Variants in PRKCB observed in about 807,000 individuals in gnomAD.
The protein encoded by PRKCB is protein kinase C beta type.
In PRKCB, 13 loss-of-function variants were observed where a neutral mutation model predicts 81.5. The observed-to-expected ratio is 0.16, with a 90% confidence interval of 0.10 to 0.25. The LOEUF (loss-of-function observed/expected upper bound fraction) is 0.25, where lower values mean the gene tolerates loss of function less well. Ranked by LOEUF, PRKCB falls within the 10% of genes least tolerant of loss-of-function variation. The pLI, the probability that PRKCB is intolerant of heterozygous loss-of-function variation, is 1.00. For synonymous variants in PRKCB, 335 were observed against 321.4 expected, an observed-to-expected ratio of 1.04 and a Z score of -0.45; for missense variants, 509 against 875.7, an observed-to-expected ratio of 0.58 and a Z score of 5.29.
chr16:23,969,126 C>T (rs999280255), intron 2 of PRKCB, among the ~76,000 whole-genome samples: 10 of 152,038 alleles, frequency 6.6e-5, no homozygotes, highest in African/African-American at 1.4e-4. Flanking sequence ...GCTGAGATCG[C>T]GCCACTGCAC....
chr16:24,020,188 A>G (rs963680141), intron 3 of PRKCB, among the ~76,000 whole-genome samples: 2 of 152,220 alleles, frequency 1.3e-5, no homozygotes, highest in Non-Finnish European at 2.9e-5. Flanking sequence ...TCATTTTAAA[A>G]TTTTAAATTG....
At chr16:24,121,688 TTGAA>T (rs1482444687) in intron 8 of PRKCB, among the ~76,000 whole-genome samples, 1 of 152,258 alleles carries the variant, frequency 6.6e-6, no homozygotes, top group Non-Finnish European at 1.5e-5. Context: ...TAAATGTTTT[TTGAA>T]TGAATGAATG....
At chr16:24,197,679 A>G (rs887474494) in intron 16 of PRKCB, among the ~76,000 whole-genome samples, 3 of 152,154 alleles carry the variant, frequency 2.0e-5, no homozygotes, top group Admixed American at 6.5e-5. Flanking sequence ...GACTCTTGCC[A>G]TAATCCAGGC....
intron 10 of PRKCB, among the ~76,000 whole-genome samples, chr16:24,156,519 C>A (rs1186682960): frequency 6.6e-6 from 1 of 152,170 alleles, no homozygotes; most frequent in African/African-American, 2.4e-5. Flanking sequence ...AAGTGATTCA[C>A]CTGCTTCGGC....
intron 8 of PRKCB, among the ~76,000 whole-genome samples, chr16:24,118,415 G>A (rs1260894313): frequency 6.6e-6 from 1 of 152,230 alleles, no homozygotes; most frequent in Non-Finnish European, 1.5e-5. Context: ...CTCTTTCTGG[G>A]CTTTGGAAGG....
chr16:24,021,849 G>A (rs974690198), intron 3 of PRKCB, among the ~76,000 whole-genome samples: 1 of 152,194 alleles, frequency 6.6e-6, no homozygotes, highest in East Asian at 1.9e-4. Context: ...AGAGGACTCA[G>A]CACAGTGCTT....
intron 2 of PRKCB, among the ~76,000 whole-genome samples, chr16:23,954,318 C>T (rs1964322916): frequency 6.6e-6 from 1 of 152,048 alleles, no homozygotes; most frequent in South Asian, 2.1e-4. Flanking sequence ...GAGAAGGTCT[C>T]CTTGGCTAAT....
intron 5 of PRKCB, among the ~76,000 whole-genome samples, chr16:24,044,375 G>A (rs1190159965): frequency 6.6e-6 from 1 of 151,992 alleles, no homozygotes; most frequent in African/African-American, 2.4e-5. Context: ...AAAAAGAAAA[G>A]AAAAGACTGA....
At chr16:24,200,574 G>A (rs1967942289) in intron 16 of PRKCB, among the ~76,000 whole-genome samples, 1 of 152,210 alleles carries the variant, frequency 6.6e-6, no homozygotes, top group Admixed American at 6.5e-5. Flanking sequence ...CAGTTCTGGA[G>A]GCTGGGAAGT....
At chr16:24,168,149 T>C (rs1294254719) in intron 10 of PRKCB, among the ~76,000 whole-genome samples, 1 of 152,182 alleles carries the variant, frequency 6.6e-6, no homozygotes, top group East Asian at 1.9e-4. Context: ...GCCAGCATCA[T>C]GTTAGACACT....
chr16:24,197,184 A>G (rs907400905), intron 16 of PRKCB, among the ~76,000 whole-genome samples: 15 of 152,256 alleles, frequency 9.9e-5, no homozygotes, highest in African/African-American at 3.6e-4. Context: ...GGGCAAAATA[A>G]TAAACATAGA....
chr16:24,192,168 G>A (rs1675986502), intron 16 of PRKCB, among the ~76,000 whole-genome samples: 1 of 152,260 alleles, frequency 6.6e-6, no homozygotes, highest in Non-Finnish European at 1.5e-5. Context: ...CATTTCTTGA[G>A]CACTTACGTG....
chr16:24,096,204 T>G (rs1299284414), intron 7 of PRKCB, among the ~76,000 whole-genome samples: 1 of 152,082 alleles, frequency 6.6e-6, no homozygotes, highest in Non-Finnish European at 1.5e-5. Context: ...GAGGTTGCAG[T>G]GAGCCGAGAT....
intron 5 of PRKCB, among the ~76,000 whole-genome samples, chr16:24,069,429 G>A (rs529505918): frequency 1.3e-5 from 2 of 152,176 alleles, no homozygotes; most frequent in South Asian, 2.1e-4. Flanking sequence ...GCAGTGCTGT[G>A]CTGTGTATAG....
At chr16:24,107,869 T>C (rs1343608726) in intron 7 of PRKCB, among the ~76,000 whole-genome samples, 1 of 152,206 alleles carries the variant, frequency 6.6e-6, no homozygotes, top group Non-Finnish European at 1.5e-5. Flanking sequence ...TATCTGTATT[T>C]TCCCAAGTGT....
Position 24,215,713 on chromosome 16 carries a change from T to C in PRKCB, c.*897T>C. 3.0e-6 allele frequency: 3 copies of C among 985,600 alleles called. No individual in the cohort carries two copies. The highest frequency in any genetic ancestry group is 3.6e-6 in the Non-Finnish European group (3 of 829,730). 61.1% of individuals were successfully genotyped at this position (985,600 alleles called of 1,614,324 possible). On this transcript the variant is annotated 3_prime_UTR_variant, in exon 17 of 17. Transcript: ENST00000643927. ...ATGCTTTAAAATATGTATTCAAATGTTATTAACCACAATGACGACCTGCTT... is the reference window on the plus strand; with the variant it reads ...ATGCTTTAAAATATGTATTCAAATGCTATTAACCACAATGACGACCTGCTT...
At chr16:24,186,935 G>A (rs1379439044) in intron 15 of PRKCB, among the ~76,000 whole-genome samples, 1 of 152,162 alleles carries the variant, frequency 6.6e-6, no homozygotes, top group African/African-American at 2.4e-5. Flanking sequence ...GAGGGTGTGA[G>A]GCAGGGAGAA....
intron 5 of PRKCB, among the ~76,000 whole-genome samples, chr16:24,055,946 C>A (rs1290243414): frequency 6.6e-6 from 1 of 152,202 alleles, no homozygotes; most frequent in Non-Finnish European, 1.5e-5. Flanking sequence ...TCTCCATTGA[C>A]AAAAGGGGAA....
At chr16:23,989,518 G>A (rs1441565928) in intron 3 of PRKCB, among the ~76,000 whole-genome samples, 1 of 152,082 alleles carries the variant, frequency 6.6e-6, no homozygotes, top group African/African-American at 2.4e-5. Context: ...AAAAATTTTT[G>A]TTTTAATCAT....
Sources: gnomAD v4.1 joint callset for allele counts (sites outside exome capture counted in the v4.1 genomes callset) on GRCh38, gnomAD v4.1.1 for gene constraint, MANE v1.5 for transcripts, NCBI Gene and HGNC (gene_info 2026-07-23, HGNC 2026-07-21) for gene names.